GCN1: variants seen among roughly 807,000 people sequenced by gnomAD.
GCN1 encodes GCN1 activator of EIF2AK4, also known as stalled ribosome sensor GCN1.
GCN1 carries 90 observed loss-of-function variants against 288.4 expected under a neutral mutation model. The observed-to-expected ratio is 0.31, with a 90% CI of 0.26 to 0.37. GCN1 has a LOEUF of 0.37. GCN1 is among the 10% of genes least tolerant of loss of function. The pLI is 1.00. For missense variants in GCN1, 2,586 were observed against 3,419.9 expected (o/e 0.76, Z 6.08); for synonymous variants, 1,386 against 1,420.2 (o/e 0.98, Z 0.54).
Position 120,143,000 on chromosome 12 carries a change from G to T in GCN1, c.5496-59C>A. ...TGCAAGGAGTGGGCTCGGCACAACT[G>T]AGCACTGCACAGAAGATGGAAAGAA... On this transcript the variant is annotated intron_variant, in intron 42 of 57. Coordinates refer to ENST00000300648, the MANE Select transcript of GCN1 (RefSeq NM_006836.2). This position sits in a 1 kb window ranked among gnomAD's most constrained non-coding sequence, Gnocchi z 4.9. 2 of 987,364 alleles carry T rather than the reference G, an allele frequency of 2.0e-6. No homozygotes were observed. Among genetic ancestry groups the T allele is most frequent in the South Asian group, 1.3e-5 (1 of 78,118 alleles). 61.2% of individuals were successfully genotyped at this position (987,364 alleles called of 1,614,324 possible).
At chr12:120,192,111 A>G (rs1245548151) in intron 1 of GCN1, among the ~76,000 whole-genome samples, 1 of 151,990 alleles carries the variant, frequency 6.6e-6, no homozygotes, top group African/African-American at 2.4e-5. Flanking sequence ...ACCCTTTCCC[A>G]CCTCACTTCA....
intron 15 of GCN1, 102 bp downstream of exon 15, chr12:120,170,067 T>A: frequency 1.0e-6 from 1 of 988,910 alleles, no homozygotes; most frequent in Non-Finnish European, 1.6e-6. Flanking sequence ...GCTGATCCAG[T>A]GTGGTCAGGA....
At chr12:120,132,053 G>A in intron 53 of GCN1, 31 bp from the exon 54 acceptor site, 1 of 1,406,572 alleles carries the variant, frequency 7.1e-7, no homozygotes, top group African/African-American at 1.4e-5. Flanking sequence ...GTGAGGGGGT[G>A]CAGGGAACAA....
chr12:120,178,458 A>G (rs535584430), intron 7 of GCN1, among the ~76,000 whole-genome samples, 167 bp downstream of exon 7: 15 of 152,378 alleles, frequency 9.8e-5, no homozygotes, highest in Admixed American at 9.1e-4. Flanking sequence ...CTAGAAGTTC[A>G]TGTATCATGG....
At chr12:120,160,111 G>T in intron 23 of GCN1, 31 bp downstream of exon 23, 1 of 1,592,386 alleles carries the variant, frequency 6.3e-7, no homozygotes. Context: ...CACTCTTCCG[G>T]CTTGAGCATG....
Position 120,144,269 on chromosome 12 carries a change from C to T in GCN1, c.5495+37G>A, listed in dbSNP as rs1161438599. On this transcript the variant is annotated intron_variant, in intron 42 of 57. Transcript: ENST00000300648. The surrounding 1 kb of genome is among the most constrained non-coding windows in gnomAD (Gnocchi z 4.7). ...CGGATTATAGGCATGAGCCACCACG[C>T]ATCATCCCCACTGGGTCTTTCTGCC... 1 of 1,611,244 alleles carries T rather than the reference C, an allele frequency of 6.2e-7. No homozygotes were observed. Among genetic ancestry groups the T allele is most frequent in the African/African-American group, 1.3e-5 (1 of 74,898 alleles).
At chr12:120,173,520 C>T (rs1184518719) in intron 14 of GCN1, 133 bp downstream of exon 14, 2 of 649,212 alleles carry the variant, frequency 3.1e-6, no homozygotes, top group Middle Eastern at 4.2e-4. Context: ...CCAATGCTCT[C>T]ATTTATTTCA....
At chr12:120,128,094 G>T in intron 57 of GCN1, 120 bp from the exon 58 acceptor site, 1 of 945,290 alleles carries the variant, frequency 1.1e-6, no homozygotes, top group Non-Finnish European at 1.6e-6. Context: ...GGTGGACTCT[G>T]GCAAAATAAG....
Position 120,170,234 on chromosome 12 carries a change from G to T in GCN1, c.1454C>A (p.Thr485Asn). 6.2e-7 allele frequency: 1 copy of T among 1,614,102 alleles called. No homozygotes were observed. The highest frequency in any genetic ancestry group is 8.5e-7 in the Non-Finnish European group (1 of 1,179,946). The change falls in exon 15 of 58, where the codon ACC becomes AAC. Residue 485 changes from threonine to asparagine, a missense_variant. Physicochemically the swap from Thr to Asn is moderately conservative, Grantham distance 65 (BLOSUM62 0). Transcript: ENST00000300648. ...GGCTGCGGCAACCCCTTCAGTGATG[G>T]TGGGAACCTGAGTGCTTTGGGAGGC... ...KAASQSTQVPTITEGVAAALL... is the reference protein window; with the variant it reads ...KAASQSTQVPNITEGVAAALL...
At chr12:120,191,891 G>C (rs1051854270) in intron 1 of GCN1, among the ~76,000 whole-genome samples, 1 of 152,098 alleles carries the variant, frequency 6.6e-6, no homozygotes, top group African/African-American at 2.4e-5. Flanking sequence ...TGTGCTTCTT[G>C]ATTTTTCAGT....
rs551354830 is a variant in GCN1, at chr12:120,139,301, T to C, written c.5995-445A>G. 1.2e-4 allele frequency among the ~76,000 whole-genome samples: 18 copies of C among 151,114 alleles called. No homozygotes were observed. In the South Asian group the frequency reaches 1.7e-3, roughly 14 times the overall value. The stretch of plus-strand genomic sequence containing the variant: ...CTCCTGCCTGGGCAGCAGAGTGAGA[T>C]TGTCTTAAACTAAAAATTTTAAAAA... On this transcript the variant is annotated intron_variant, in intron 45 of 57. Transcript: ENST00000300648.
In GCN1 at chr12:120,129,392, G is replaced by A; in HGVS notation, c.7774C>T (p.Pro2592Ser). Residue 2592 changes from proline to serine, a missense_variant, in exon 57 of 58, where the codon CCC becomes TCC. Coordinates refer to ENST00000300648, the MANE Select transcript of GCN1 (RefSeq NM_006836.2). ...LPPLDPQAIK[P>S]ILKALLDNTK... ...TTGTCAAGAAGAGCCTTCAGGATGGGCTTGATGGCCTGGGGGTCCAGGGGA... is the reference window on the plus strand; with the variant it reads ...TTGTCAAGAAGAGCCTTCAGGATGGACTTGATGGCCTGGGGGTCCAGGGGA... The A allele has an allele frequency of 6.2e-7, 1 of 1,613,716 alleles. No homozygotes were observed. Among genetic ancestry groups the A allele is most frequent in the Non-Finnish European group, 8.5e-7 (1 of 1,179,632 alleles).
chr12:120,150,171 A>G, intron 34 of GCN1, 128 bp from the exon 35 acceptor site: 1 of 839,606 alleles, frequency 1.2e-6, no homozygotes, highest in South Asian at 1.7e-5. Context: ...CAGCTGTGGA[A>G]CTAGTAGATG....
intron 1 of GCN1, among the ~76,000 whole-genome samples, chr12:120,192,496 G>C (rs1039443399): frequency 3.3e-5 from 5 of 152,132 alleles, no homozygotes; most frequent in Admixed American, 1.3e-4. Context: ...GGGAGGCCAA[G>C]GCAGGCAGAT....
Position 120,148,366 on chromosome 12 carries a change from G to A in GCN1, c.4547-20C>T. 1 of 1,602,348 alleles carries A rather than the reference G, an allele frequency of 6.2e-7. No individual in the cohort carries two copies. Among genetic ancestry groups the A allele is most frequent in the Admixed American group, 1.7e-5 (1 of 59,290 alleles). On this transcript the variant is annotated intron_variant, in intron 36 of 57. Transcript: ENST00000300648. ...CTGACCCTGTGGATAGCAGACACAA[G>A]CCCAGTACTGAATCACTGAGCAAAG...
At chr12:120,131,145 A>T (rs780456200) in intron 55 of GCN1, 40 bp downstream of exon 55, 1 of 1,595,152 alleles carries the variant, frequency 6.3e-7, no homozygotes, top group Admixed American at 1.7e-5. Flanking sequence ...TGCCTATGGG[A>T]TGTGGCCTAT....
rs753308355 is a variant in GCN1 at position 120,156,415 on chromosome 12, T to C, written c.3312+46A>G. 35 of 1,591,156 alleles carry C rather than the reference T, an allele frequency of 2.2e-5. No homozygotes were observed. Among genetic ancestry groups the C allele is most frequent in the Non-Finnish European group, 2.8e-5 (32 of 1,163,118 alleles). On this transcript the variant is annotated intron_variant, in intron 28 of 57. Transcript: ENST00000300648. This position sits in a 1 kb window ranked among gnomAD's most constrained non-coding sequence, Gnocchi z 5.8. ...GCCCATCATGCAATTTGCACTTGCA[T>C]AGAGTGACAAGGGACACTGCAGTGG...
In GCN1 at chr12:120,161,603, C is replaced by T; in HGVS notation, c.2343-20G>A. ...TGGGCACTGAAACACCAGAGTGGGT[C>T]ATCAGCCAGCTTGAAAAGCACCGCA... is the stretch of plus-strand genomic sequence containing the variant. On this transcript the variant is annotated intron_variant, in intron 21 of 57. Coordinates refer to ENST00000300648, the MANE Select transcript of GCN1 (RefSeq NM_006836.2). The T allele has an allele frequency of 6.4e-7, 1 of 1,572,452 alleles. No homozygotes were observed.
Position 120,131,943 on chromosome 12 carries a change from A to T in GCN1, c.7397T>A (p.Leu2466Gln). The stretch of plus-strand genomic sequence containing the variant: ...GTACTTACCCAGCAAGCACTGCTGT[A>T]GAACGGCACTAAGCTCCTCTTCAGT... ...FLTEEELSAV[L>Q]QQCLLADVSG... The change falls in exon 54 of 58, where the codon CTA becomes CAA. Residue 2466 changes from leucine to glutamine, a missense_variant. Transcript: ENST00000300648. 6.2e-7 allele frequency: 1 copy of T among 1,603,044 alleles called. No individual in the cohort carries two copies. The highest frequency in any genetic ancestry group is 8.5e-7 in the Non-Finnish European group (1 of 1,173,486).
Sources: allele counts gnomAD v4.1 joint callset (sites outside exome capture counted in the v4.1 genomes callset), GRCh38; gene constraint gnomAD v4.1.1; non-coding constraint Gnocchi (gnomAD v3.1); transcripts MANE v1.5; gene names NCBI Gene and HGNC (gene_info 2026-07-23, HGNC 2026-07-21).